The following TNRC6B variants were observed in gnomAD, a reference collection of about 807,000 sequenced individuals.
TNRC6B encodes trinucleotide repeat-containing gene 6B protein.
TNRC6B carries 52 observed loss-of-function variants against 203.6 expected under a neutral mutation model. The observed-to-expected ratio is 0.26, with a 90% CI of 0.20 to 0.32. The LOEUF (loss-of-function observed/expected upper bound fraction) is 0.32. TNRC6B is among the 10% of genes least tolerant of loss of function. TNRC6B has a pLI of 1.00. For synonymous variants in TNRC6B, 838 were observed against 845.7 expected (o/e 0.99, Z 0.16); for missense variants, 1,923 against 2,286.2 (o/e 0.84, Z 3.24).
At chr22:40,283,280 C>A (rs769678229) in intron 11 of TNRC6B, among the ~76,000 whole-genome samples, 2 of 152,144 alleles carry the variant, frequency 1.3e-5, no homozygotes, top group Non-Finnish European at 2.9e-5. Flanking sequence ...CCTCGTGATC[C>A]GCCCGCCTTG....
intron 3 of TNRC6B, among the ~76,000 whole-genome samples, chr22:40,258,435 C>T (rs2070318748): frequency 1.3e-5 from 2 of 152,114 alleles, no homozygotes; most frequent in South Asian, 2.1e-4. Flanking sequence ...CCAATTAGTG[C>T]CGGCAATTCT....
At chr22:40,295,204 G>A (rs937239735) in intron 12 of TNRC6B, among the ~76,000 whole-genome samples, 1 of 152,188 alleles carries the variant, frequency 6.6e-6, no homozygotes, top group Non-Finnish European at 1.5e-5. Context: ...GGCCAAGCAT[G>A]GTGGCTCACG....
intron 7 of TNRC6B, among the ~76,000 whole-genome samples, chr22:40,276,686 G>A (rs559314269): frequency 3.3e-5 from 5 of 152,252 alleles, no homozygotes; most frequent in South Asian, 2.1e-4. Flanking sequence ...CAAATGACAC[G>A]CACTGACATC....
At chr22:40,150,125 A>G (rs1034476421) in intron 3 of TNRC6B, among the ~76,000 whole-genome samples, 7 of 152,202 alleles carry the variant, frequency 4.6e-5, no homozygotes, top group African/African-American at 1.7e-4. Context: ...CACTAAAATT[A>G]TTTTTACTTT....
intron 1 of TNRC6B, among the ~76,000 whole-genome samples, chr22:40,198,210 T>C (rs1039012025): frequency 3.9e-5 from 6 of 152,162 alleles, no homozygotes; most frequent in Non-Finnish European, 8.8e-5. Context: ...GTTAAATATC[T>C]GGGTTACAAG....
chr22:40,277,009 G>A (rs2070653433), intron 7 of TNRC6B, 68 bp from the exon 8 acceptor site: 3 of 1,252,926 alleles, frequency 2.4e-6, no homozygotes, highest in Middle Eastern at 1.9e-4. Context: ...TTTTCAGTCT[G>A]TATTAATAAA....
Position 40,265,997 on chromosome 22 carries a change from C to CCGTCGGT in TNRC6B, c.1771_1777dup (p.Tyr593SerfsTer9). 1 of 1,613,880 alleles carries CCGTCGGT rather than the reference C, an allele frequency of 6.2e-7. No individual in the cohort carries two copies. Among genetic ancestry groups the CCGTCGGT allele is most frequent in the Non-Finnish European group, 8.5e-7 (1 of 1,179,894 alleles). The stretch of plus-strand genomic sequence containing the variant: ...GAAGTAGTGACAGTCATAACTCTGG[C>CCGTCGGT]CGTCGGTCGTACAGGCCCACACATC... On this transcript the variant is annotated frameshift_variant, in exon 5 of 23. Coordinates refer to ENST00000454349, the MANE Select transcript of TNRC6B (RefSeq NM_001162501.2). LOFTEE classifies it high-confidence loss of function.
At chr22:40,071,041 G>A (rs979060399) in intron 1 of TNRC6B, among the ~76,000 whole-genome samples, 1 of 152,120 alleles carries the variant, frequency 6.6e-6, no homozygotes, top group Admixed American at 6.5e-5. Context: ...TGGAATTGTG[G>A]GTAAGGGACT....
intron 3 of TNRC6B, among the ~76,000 whole-genome samples, chr22:40,144,718 A>G (rs1422192798): frequency 6.6e-6 from 1 of 151,996 alleles, no homozygotes; most frequent in African/African-American, 2.4e-5. Flanking sequence ...CAGTGTAACA[A>G]CATGGATAAA....
chr22:40,289,555 C>A (rs1232498900), intron 12 of TNRC6B, among the ~76,000 whole-genome samples: 1 of 152,140 alleles, frequency 6.6e-6, no homozygotes, highest in Non-Finnish European at 1.5e-5. Context: ...TGAAGCACTT[C>A]CTGTGTTTGG....
In TNRC6B at chr22:40,280,075, C is replaced by T. The variant is rs1320927890; in HGVS notation, c.3343C>T (p.Arg1115Ter). 1 of 1,613,730 alleles carries T rather than the reference C, an allele frequency of 6.2e-7. No individual in the cohort carries two copies. Among genetic ancestry groups the T allele is most frequent in the Non-Finnish European group, 8.5e-7 (1 of 1,179,724 alleles). Reference protein sequence around the residue: ...GDFNDIMRKDRSGFRPPNSKD... With the variant: ...GDFNDIMRKD ...TTTTAATGATATCATGAGGAAGGAT[C>T]GATCTGGGTTCCGTCCACCTAATTC... The change falls in exon 10 of 23, where the codon CGA becomes TGA. Residue 1115 changes from arginine to a stop codon, truncating the protein, a stop_gained. Coordinates refer to ENST00000454349, the MANE Select transcript of TNRC6B (RefSeq NM_001162501.2). LOFTEE classifies it high-confidence loss of function.
chr22:40,253,281 G>A (rs1215330753), intron 3 of TNRC6B, among the ~76,000 whole-genome samples: 1 of 148,884 alleles, frequency 6.7e-6, no homozygotes, highest in Non-Finnish European at 1.5e-5. Flanking sequence ...TAGTAGAGAC[G>A]GGGTTTCACC....
intron 12 of TNRC6B, among the ~76,000 whole-genome samples, chr22:40,296,284 A>G (rs1362645624): frequency 6.6e-6 from 1 of 151,990 alleles, no homozygotes; most frequent in East Asian, 1.9e-4. Flanking sequence ...AGAAATGGGA[A>G]AGAAGCACCC....
chr22:40,275,777 G>C (rs941582496), intron 7 of TNRC6B, among the ~76,000 whole-genome samples: 5 of 151,784 alleles, frequency 3.3e-5, no homozygotes, highest in African/African-American at 1.2e-4. Flanking sequence ...TGGCCAACAT[G>C]GCAAAACCCC....
chr22:40,075,383 C>T (rs541604438), intron 1 of TNRC6B, among the ~76,000 whole-genome samples: 13 of 151,402 alleles, frequency 8.6e-5, no homozygotes, highest in African/African-American at 2.9e-4. Flanking sequence ...AATTATAGAA[C>T]GTTTCCTTAT....
At chr22:40,159,585 G>A (rs1353536933) in intron 4 of TNRC6B, among the ~76,000 whole-genome samples, 1 of 151,640 alleles carries the variant, frequency 6.6e-6, no homozygotes, top group African/African-American at 2.4e-5. Flanking sequence ...CTTGCAGTGA[G>A]CCAAGATTGT....
chr22:40,092,233 T>C (rs577108202), intron 1 of TNRC6B, among the ~76,000 whole-genome samples: 2 of 152,094 alleles, frequency 1.3e-5, no homozygotes, highest in South Asian at 4.2e-4. Context: ...AGAAACCCCA[T>C]CTCTACTAAA....
chr22:40,083,721 C>T (rs1237682335), intron 1 of TNRC6B, among the ~76,000 whole-genome samples: 1 of 152,040 alleles, frequency 6.6e-6, no homozygotes, highest in Non-Finnish European at 1.5e-5. Context: ...CATAAGTATT[C>T]TTAGAAAGGA....
At chr22:40,191,114 G>C (rs117836873) in intron 1 of TNRC6B, among the ~76,000 whole-genome samples, 1 of 152,114 alleles carries the variant, frequency 6.6e-6, no homozygotes, top group Non-Finnish European at 1.5e-5. Flanking sequence ...ATCTGAGCTG[G>C]GTCTTAATGG....
Sources: allele counts gnomAD v4.1 joint callset (sites outside exome capture counted in the v4.1 genomes callset), GRCh38; gene constraint gnomAD v4.1.1; transcripts MANE v1.5; gene names NCBI Gene and HGNC (gene_info 2026-07-23, HGNC 2026-07-21).